The following SOCS5 variants were observed in gnomAD, a reference collection of about 807,000 sequenced individuals.
SOCS5 encodes the protein CIS-6.
In SOCS5, 32 loss-of-function variants were observed where a neutral mutation model predicts 42.8. The observed-to-expected ratio is 0.75, with a 90% CI of 0.56 to 1.01. SOCS5 has a LOEUF of 1.01. Among genes scored for constraint, SOCS5 ranks in the 50% least tolerant of loss-of-function variants. The pLI is 0.00. For missense variants in SOCS5, 627 were observed against 653.0 expected, an observed-to-expected ratio of 0.96 and a Z score of 0.43; for synonymous variants, 283 against 229.6, an observed-to-expected ratio of 1.23 and a Z score of -2.10.
At chr2:46,745,750 T>A (rs1673481469) in intron 1 of SOCS5, among the ~76,000 whole-genome samples, 1 of 152,212 alleles carries the variant, frequency 6.6e-6, no homozygotes, top group Non-Finnish European at 1.5e-5. Flanking sequence ...TCTGCACAAA[T>A]CTCTTTCGAT....
At chr2:46,725,448 C>T (rs1396588992) in intron 1 of SOCS5, among the ~76,000 whole-genome samples, 1 of 151,956 alleles carries the variant, frequency 6.6e-6, no homozygotes, top group African/African-American at 2.4e-5. Flanking sequence ...TCTTTTCCCC[C>T]TTCCTGCTGT....
At chr2:46,744,833 C>G (rs775954495) in intron 1 of SOCS5, among the ~76,000 whole-genome samples, 1 of 151,100 alleles carries the variant, frequency 6.6e-6, no homozygotes, top group Non-Finnish European at 1.5e-5. Context: ...CGGCTGTAAT[C>G]GAGATTTTTG....
chr2:46,728,686 G>A (rs1355078524), intron 1 of SOCS5, among the ~76,000 whole-genome samples: 1 of 152,156 alleles, frequency 6.6e-6, no homozygotes, highest in Admixed American at 6.5e-5. Flanking sequence ...CTCCCGAATA[G>A]CTGGGACTAC....
rs770568483 is a variant in SOCS5, at chr2:46,760,174, C to T, written c.*33C>T. On this transcript the variant is annotated 3_prime_UTR_variant, in exon 2 of 2. Coordinates refer to ENST00000394861, the MANE Select transcript of SOCS5 (RefSeq NM_144949.3). ...GGTCCCCAAAGGTTGTTAACTAGGT[C>T]CGCTTTCATGTGCATCAGACAGTAC... 3 of 1,529,166 alleles carry T rather than the reference C, an allele frequency of 2.0e-6. No individual in the cohort carries two copies. Among genetic ancestry groups the T allele is most frequent in the South Asian group, 2.4e-5 (2 of 83,904 alleles). The allele number at this position is 1,529,166 out of a possible 1,614,324, so 94.7% of individuals were successfully genotyped here. A position where few individuals can be genotyped will look rare whatever the true frequency, so the allele number is the denominator to read the frequency against.
intron 1 of SOCS5, among the ~76,000 whole-genome samples, chr2:46,735,992 T>C (rs1369195284): frequency 1.3e-5 from 2 of 151,800 alleles, no homozygotes; most frequent in Non-Finnish European, 2.9e-5. Flanking sequence ...CATTTCTCTC[T>C]CTCCCCCATT....
Position 46,729,018 on chromosome 2 carries a change from G to T in SOCS5, c.-12-29501G>T, listed in dbSNP as rs143691441. On this transcript the variant is annotated intron_variant, in intron 1 of 1. Coordinates refer to ENST00000394861, the MANE Select transcript of SOCS5 (RefSeq NM_144949.3). ...AGATCTACTGAATCAGAAATTCTGGGAGTGAGACCCCATAATTCGTTTTGA... is the reference window on the plus strand; with the variant it reads ...AGATCTACTGAATCAGAAATTCTGGTAGTGAGACCCCATAATTCGTTTTGA... Among the ~76,000 whole-genome samples, 1,081 of 152,292 alleles carry T rather than the reference G, an allele frequency of 7.1e-3. 4 individuals are homozygous for T. Among genetic ancestry groups the T allele is most frequent in the Non-Finnish European group, 0.012 (810 of 68,028 alleles).
chr2:46,753,503 T>A (rs1026539688), intron 1 of SOCS5, among the ~76,000 whole-genome samples: 7 of 152,194 alleles, frequency 4.6e-5, no homozygotes, highest in Non-Finnish European at 1.0e-4. Flanking sequence ...TTTGCCAGTC[T>A]TTTGATTAAG....
chr2:46,733,344 C>T (rs1423128372), intron 1 of SOCS5, among the ~76,000 whole-genome samples: 1 of 152,096 alleles, frequency 6.6e-6, no homozygotes. Flanking sequence ...ATCCACCCAT[C>T]TCAGCCTCCC....
chr2:46,721,109 T>C (rs1030862351), intron 1 of SOCS5, among the ~76,000 whole-genome samples: 2 of 152,210 alleles, frequency 1.3e-5, no homozygotes, highest in African/African-American at 4.8e-5. Context: ...AGCATTTTCA[T>C]GGCAGAGCTG....
chr2:46,711,297 T>G (rs1672617758), intron 1 of SOCS5, among the ~76,000 whole-genome samples: 1 of 152,234 alleles, frequency 6.6e-6, no homozygotes, highest in African/African-American at 2.4e-5. Flanking sequence ...GTTCTGTTTC[T>G]TATTATCATC....
chr2:46,755,348 G>C (rs1055518333), intron 1 of SOCS5, among the ~76,000 whole-genome samples: 73 of 152,036 alleles, frequency 4.8e-4, no homozygotes, highest in African/African-American at 1.8e-3. Flanking sequence ...TGTAAATTTT[G>C]TAATAGATAC....
chr2:46,708,766 G>A (rs1672550279), intron 1 of SOCS5, among the ~76,000 whole-genome samples: 1 of 151,930 alleles, frequency 6.6e-6, no homozygotes, highest in African/African-American at 2.4e-5. Context: ...GTACAACACA[G>A]GATTCTTAGG....
Position 46,760,208 on chromosome 2 carries a change from C to A in SOCS5, c.*67C>A. 1 of 1,165,410 alleles carries A rather than the reference C, an allele frequency of 8.6e-7. No homozygotes were observed. Among genetic ancestry groups the A allele is most frequent in the Non-Finnish European group, 1.2e-6 (1 of 805,098 alleles). 72.2% of individuals were successfully genotyped at this position (1,165,410 alleles called of 1,614,324 possible). A position where few individuals can be genotyped will look rare whatever the true frequency, so the allele number is the denominator to read the frequency against. On this transcript the variant is annotated 3_prime_UTR_variant, in exon 2 of 2. Transcript: ENST00000394861. ...TGTGCATCAGACAGTACACCTATAG[C>A]AAGCACACGTAGCAGTGTTAGGCTT...
chr2:46,751,913 A>G (rs554859771), intron 1 of SOCS5, among the ~76,000 whole-genome samples: 1 of 152,328 alleles, frequency 6.6e-6, no homozygotes, highest in South Asian at 2.1e-4. Flanking sequence ...GAAGAATAAT[A>G]TTTTGTGACA....
chr2:46,732,042 G>A (rs1268219023), intron 1 of SOCS5, among the ~76,000 whole-genome samples: 1 of 152,192 alleles, frequency 6.6e-6, no homozygotes, highest in Non-Finnish European at 1.5e-5. Context: ...TACTGAGGTA[G>A]CTAGGAGATG....
intron 1 of SOCS5, among the ~76,000 whole-genome samples, chr2:46,709,707 T>A (rs1045860143): frequency 6.6e-6 from 1 of 152,178 alleles, no homozygotes; most frequent in African/African-American, 2.4e-5. Context: ...GATTCAAGAC[T>A]AAAATTTGGA....
chr2:46,725,832 T>G (rs1295442829), intron 1 of SOCS5, among the ~76,000 whole-genome samples: 1 of 152,292 alleles, frequency 6.6e-6, no homozygotes, highest in East Asian at 1.9e-4. Flanking sequence ...TAATTTTACC[T>G]TTATTCAAAA....
chr2:46,726,550 C>T (rs1181965837), intron 1 of SOCS5, among the ~76,000 whole-genome samples: 2 of 152,046 alleles, frequency 1.3e-5, no homozygotes, highest in African/African-American at 2.4e-5. Flanking sequence ...ACCAGTGACA[C>T]GAATGTCAGA....
rs553240553 is a variant in SOCS5, at chr2:46,762,251, G to T, written c.*2110G>T. The T allele has an allele frequency of 2.4e-5, 4 of 166,914 alleles. No individual in the cohort carries two copies. Among genetic ancestry groups the T allele is most frequent in the African/African-American group, 7.2e-5 (3 of 41,552 alleles). The allele number at this position is 166,914 out of a possible 1,614,324, so 10.3% of individuals were successfully genotyped here. A position where few individuals can be genotyped will look rare whatever the true frequency, so the allele number is the denominator to read the frequency against. Reference sequence around the variant, plus strand: ...TATGACATAATTATATTGCCTAATTGTTGGGTCTTTTTTCTTGAGCTTATA... The same window carrying T: ...TATGACATAATTATATTGCCTAATTTTTGGGTCTTTTTTCTTGAGCTTATA... On this transcript the variant is annotated 3_prime_UTR_variant, in exon 2 of 2. Coordinates refer to ENST00000394861, the MANE Select transcript of SOCS5 (RefSeq NM_144949.3).
Sources: gnomAD v4.1 joint callset for allele counts (sites outside exome capture counted in the v4.1 genomes callset) on GRCh38, gnomAD v4.1.1 for gene constraint, MANE v1.5 for transcripts, NCBI Gene and HGNC (gene_info 2026-07-23, HGNC 2026-07-21) for gene names.